The following RSRC1 variants were observed in gnomAD, a reference collection of about 807,000 sequenced individuals.
RSRC1 encodes the protein arginine and serine rich coiled-coil 1.
RSRC1 carries 39 observed loss-of-function variants against 49.1 expected under a neutral mutation model. That is an observed-to-expected ratio of 0.79 (90% CI 0.61 to 1.04). The LOEUF is 1.04. RSRC1 is among the 50% of genes least tolerant of loss of function. The pLI is 0.00. For synonymous variants in RSRC1, 143 were observed against 130.8 expected (o/e 1.09, Z -0.63); for missense variants, 388 against 402.4 (o/e 0.96, Z 0.31).
chr3:158,414,221 T>G (rs1734621190), intron 6 of RSRC1, among the ~76,000 whole-genome samples: 1 of 152,042 alleles, frequency 6.6e-6, no homozygotes, highest in Admixed American at 6.6e-5. Flanking sequence ...TATGCAGTCA[T>G]AAAAAGGAAT....
rs551448592 is a variant in RSRC1 at position 158,257,725 on chromosome 3, C to T, written c.495-40314C>T. Reference sequence around the variant, plus strand: ...TGTGTCCTCTCTTCCATCTTTTCTTCTTTCCTGTCTTTCTTTTAGCAAAGA... The same window carrying T: ...TGTGTCCTCTCTTCCATCTTTTCTTTTTTCCTGTCTTTCTTTTAGCAAAGA... On this transcript the variant is annotated intron_variant, in intron 4 of 9. Coordinates refer to ENST00000611884, the MANE Select transcript of RSRC1 (RefSeq NM_001271838.2). 2.6e-5 allele frequency among the ~76,000 whole-genome samples: 4 copies of T among 152,108 alleles called. 1 individual carries two copies. The highest frequency in any genetic ancestry group is 4.2e-4 in the South Asian group (2 of 4,812).
At chr3:158,200,301 G>C (rs1053159571) in intron 3 of RSRC1, among the ~76,000 whole-genome samples, 2 of 152,174 alleles carry the variant, frequency 1.3e-5, no homozygotes, top group Admixed American at 1.3e-4. Flanking sequence ...GCCTCCCAAA[G>C]TGCTGGGATT....
chr3:158,128,644 T>C lies in RSRC1; in HGVS notation c.320+4653T>C, dbSNP rs372654506. ...ATCGAAAGCAGGACATTAACATTGA[T>C]ACAGTTCTAGTAACTAGATTATAAA... On this transcript the variant is annotated intron_variant, in intron 3 of 9. Coordinates refer to ENST00000611884, the MANE Select transcript of RSRC1 (RefSeq NM_001271838.2). Among the ~76,000 whole-genome samples the C allele has an allele frequency of 3.3e-5, 5 of 152,326 alleles. No homozygotes were observed. The East Asian group carries it at 7.7e-4, about 24-fold the overall frequency.
chr3:158,304,589 A>G (rs1030951937), intron 5 of RSRC1, among the ~76,000 whole-genome samples: 4 of 152,178 alleles, frequency 2.6e-5, no homozygotes, highest in South Asian at 2.1e-4. Flanking sequence ...TATTATCTCA[A>G]AATGCACTGA....
chr3:158,342,747 T>C (rs902973439), intron 5 of RSRC1, among the ~76,000 whole-genome samples: 1 of 152,148 alleles, frequency 6.6e-6, no homozygotes, highest in African/African-American at 2.4e-5. Context: ...AGATTTACTC[T>C]CCTTGAAACA....
In RSRC1 at chr3:158,452,892, T is replaced by TCA. The variant is rs561532919; in HGVS notation, c.584-8042_584-8041insAC. On this transcript the variant is annotated intron_variant, in intron 6 of 9. Transcript: ENST00000611884. ...GGGTAGAAGCCCTGCTGTGCCACAT[T>TCA]CTAGTTAGGCAAGTAAACTAGTAGT... Among the ~76,000 whole-genome samples, 403 of 152,270 alleles carry TCA rather than the reference T, an allele frequency of 2.6e-3. 4 individuals are homozygous for TCA. Among genetic ancestry groups the TCA allele is most frequent in the African/African-American group, 9.3e-3 (386 of 41,548 alleles).
intron 4 of RSRC1, among the ~76,000 whole-genome samples, chr3:158,224,263 T>C (rs1343000709): frequency 6.6e-6 from 1 of 151,872 alleles, no homozygotes; most frequent in African/African-American, 2.4e-5. Flanking sequence ...AAAATTATCG[T>C]CAGCATACGC....
chr3:158,499,038 G>T (rs937947084), intron 7 of RSRC1, among the ~76,000 whole-genome samples: 12 of 152,082 alleles, frequency 7.9e-5, no homozygotes, highest in African/African-American at 2.9e-4. Context: ...GCTTAATCTT[G>T]CATTGGCTAT....
rs71144439 is a variant in RSRC1 at position 158,129,288 on chromosome 3, CTTTTTTT to C, written c.320+5314_320+5320del. 3.5e-4 allele frequency among the ~76,000 whole-genome samples: 25 copies of C among 71,080 alleles called. No homozygotes were observed. The East Asian group carries it at 5.8e-3, about 16-fold the overall frequency. 46.6% of individuals were successfully genotyped at this position (71,080 alleles called of 152,430 possible). ...GAGATCTAGGAACATTTCTTTCTTT[CTTTTTTT>C]TTTTTTTTTTTTTTTTGAGACTGAG... On this transcript the variant is annotated intron_variant, in intron 3 of 9. Transcript: ENST00000611884.
intron 4 of RSRC1, among the ~76,000 whole-genome samples, chr3:158,297,728 A>G (rs956395222): frequency 6.6e-6 from 1 of 151,982 alleles, no homozygotes; most frequent in Admixed American, 6.6e-5. Flanking sequence ...TAAAATTTCT[A>G]ATAGAAAAGC....
At chr3:158,171,299 C>A (rs1718867431) in intron 3 of RSRC1, among the ~76,000 whole-genome samples, 1 of 152,106 alleles carries the variant, frequency 6.6e-6, no homozygotes, top group African/African-American at 2.4e-5. Context: ...CACAGTCTTA[C>A]AACATGATAA....
At chr3:158,436,747 T>C (rs983131264) in intron 6 of RSRC1, among the ~76,000 whole-genome samples, 3 of 151,910 alleles carry the variant, frequency 2.0e-5, no homozygotes, top group South Asian at 2.1e-4. Context: ...ATAGATAATA[T>C]TGTATATTTT....
At chr3:158,422,665 T>G (rs1477528488) in intron 6 of RSRC1, among the ~76,000 whole-genome samples, 2 of 151,098 alleles carry the variant, frequency 1.3e-5, no homozygotes, top group Non-Finnish European at 3.0e-5. Flanking sequence ...ACTTCCACAA[T>G]GGTTGAACTA....
intron 4 of RSRC1, among the ~76,000 whole-genome samples, chr3:158,212,267 G>A (rs1448165692): frequency 6.6e-6 from 1 of 151,566 alleles, no homozygotes; most frequent in African/African-American, 2.4e-5. Context: ...TGATAACATT[G>A]CATTTTTTTT....
At chr3:158,343,610 A>C (rs1730374612) in intron 5 of RSRC1, among the ~76,000 whole-genome samples, 1 of 152,164 alleles carries the variant, frequency 6.6e-6, no homozygotes, top group Admixed American at 6.6e-5. Context: ...GAACATATTA[A>C]GTAGAGACAT....
At chr3:158,162,692 A>G (rs1318212644) in intron 3 of RSRC1, among the ~76,000 whole-genome samples, 1 of 152,226 alleles carries the variant, frequency 6.6e-6, no homozygotes, top group African/African-American at 2.4e-5. Flanking sequence ...TTTGACCAAA[A>G]AGAGAACATA....
At chr3:158,126,393 C>A (rs1715630995) in intron 3 of RSRC1, among the ~76,000 whole-genome samples, 1 of 151,620 alleles carries the variant, frequency 6.6e-6, no homozygotes, top group Non-Finnish European at 1.5e-5. Flanking sequence ...TAGGTATTTT[C>A]TTTGTGGTTG....
chr3:158,395,547 A>AT lies in RSRC1; in HGVS notation c.583+40640dup, dbSNP rs1190546809. On this transcript the variant is annotated intron_variant, in intron 6 of 9. Transcript: ENST00000611884. ...GAACAGGCACTTTTTAAAAGAAGACATACATGCACCCAACAAGTACACAAA... is the reference window on the plus strand; with the variant it reads ...GAACAGGCACTTTTTAAAAGAAGACATTACATGCACCCAACAAGTACACAAA... Among the ~76,000 whole-genome samples, 9 of 152,170 alleles carry AT rather than the reference A, an allele frequency of 5.9e-5. 1 individual carries two copies. Among genetic ancestry groups the AT allele is most frequent in the African/African-American group, 2.4e-5 (1 of 41,444 alleles).
At chr3:158,466,619 G>A (rs2108414108) in intron 7 of RSRC1, among the ~76,000 whole-genome samples, 1 of 152,328 alleles carries the variant, frequency 6.6e-6, no homozygotes, top group East Asian at 1.9e-4. Flanking sequence ...TCCTTTGGCT[G>A]AAGTAACAGA....
Sources: allele counts gnomAD v4.1 joint callset (sites outside exome capture counted in the v4.1 genomes callset), GRCh38; gene constraint gnomAD v4.1.1; transcripts MANE v1.5; gene names NCBI Gene and HGNC (gene_info 2026-07-23, HGNC 2026-07-21).